Variants in ZNF320 observed in about 807,000 individuals in gnomAD.
ZNF320 encodes the protein zinc finger protein 320, also known as zinc finger gene 320.
Under a neutral mutation model 6.8 loss-of-function variants are expected in ZNF320, and 2 were observed. The observed-to-expected ratio is 0.29, with a 90% CI of 0.12 to 0.93. The LOEUF (loss-of-function observed/expected upper bound fraction) is 0.93, where lower values mean the gene tolerates loss of function less well. ZNF320 is among the 40% of genes least tolerant of loss of function. The pLI, the probability that ZNF320 is intolerant of heterozygous loss-of-function variation, is 0.55. For missense variants in ZNF320, 472 were observed against 611.0 expected (o/e 0.77, Z 2.40); for synonymous variants, 208 against 203.2 (o/e 1.02, Z -0.20).
At chr19:52,900,146 C>A (rs559616483), upstream of ZNF320, among the ~76,000 whole-genome samples, 1 of 152,256 alleles carries the variant, frequency 6.6e-6, no homozygotes, top group Non-Finnish European at 1.5e-5. Context: ...CTGGTATAAC[C>A]TGGTGGGGGC....
intron 5 of ZNF320, among the ~76,000 whole-genome samples, chr19:52,865,005 TC>T (rs961926518): frequency 6.6e-6 from 1 of 151,064 alleles, no homozygotes; most frequent in African/African-American, 2.4e-5. Context: ...AGAGCGAGAC[TC>T]CTTCTCAAAA....
intron 1 of ZNF320, among the ~76,000 whole-genome samples, chr19:52,896,103 C>G (rs2064462959): frequency 6.6e-6 from 1 of 151,970 alleles, no homozygotes; most frequent in African/African-American, 2.4e-5. Flanking sequence ...AGTTATCTTA[C>G]TTTTTTCAGA....
At chr19:52,900,206 G>C (rs1339503282), upstream of ZNF320, among the ~76,000 whole-genome samples, 1 of 152,076 alleles carries the variant, frequency 6.6e-6, no homozygotes, top group African/African-American at 2.4e-5. Context: ...CTGCAACTTT[G>C]GAAATTTACT....
upstream of ZNF320, among the ~76,000 whole-genome samples, chr19:52,899,838 T>G (rs1370530583): frequency 6.6e-6 from 1 of 152,242 alleles, no homozygotes; most frequent in East Asian, 1.9e-4. Flanking sequence ...GTAATAATTT[T>G]TAAAACAGCT....
intron 2 of ZNF320, chr19:52,893,421 C>T (rs2064373215): frequency 6.6e-6 from 1 of 151,876 alleles, no homozygotes; most frequent in African/African-American, 2.4e-5. Context: ...GAGGGTGAGG[C>T]GGTGGATCAT....
Position 52,868,580 on chromosome 19 carries a change from A to G in ZNF320, c.224-4421T>C, listed in dbSNP as rs189189815. Among the ~76,000 whole-genome samples the G allele has an allele frequency of 2.3e-3, 346 of 152,246 alleles. 1 individual carries two copies. The highest frequency in any genetic ancestry group is 7.3e-3 in the African/African-American group (303 of 41,546). On this transcript the variant is annotated intron_variant, in intron 5 of 5. Transcript: ENST00000673631. ...TCTCAAATAAGTACAGCAGGCCCAC[A>G]GTGTTCATGTACATGACCCCAATTT...
At chr19:52,868,582 T>A (rs1464935689) in intron 5 of ZNF320, among the ~76,000 whole-genome samples, 2 of 151,798 alleles carry the variant, frequency 1.3e-5, no homozygotes, top group Non-Finnish European at 2.9e-5. Context: ...AGGCCCACAG[T>A]GTTCATGTAC....
upstream of ZNF320, among the ~76,000 whole-genome samples, chr19:52,898,318 ACCTC>A (rs1568735777): frequency 6.6e-6 from 1 of 151,896 alleles, no homozygotes; most frequent in Non-Finnish European, 1.5e-5. Context: ...TGAGGTCACC[ACCTC>A]CTGCTTAAAC....
Position 52,877,659 on chromosome 19 carries a change from A to T in ZNF320, c.*2937T>A, listed in dbSNP as rs1232512487. 2.0e-5 allele frequency: 3 copies of T among 152,186 alleles called. No individual in the cohort carries two copies. The highest frequency in any genetic ancestry group is 4.4e-5 in the Non-Finnish European group (3 of 68,042). The allele number at this position is 152,186 out of a possible 1,614,324, so 9.4% of individuals were successfully genotyped here. On this transcript the variant is annotated 3_prime_UTR_variant, in exon 6 of 6. Coordinates refer to ENST00000682928, the MANE Select transcript of ZNF320 (RefSeq NM_001351774.2). ...ATGTAGCTTTTTAAAAAATCTTTGT[A>T]ACTATCTTGTTTAGGAATAAAATGG...
intron 5 of ZNF320, chr19:52,865,484 AATACATATATATTAT>A (rs2063533063): frequency 2.3e-5 from 3 of 128,610 alleles, no homozygotes; most frequent in African/African-American, 9.8e-5. Context: ...ATATATATAT[AATACATATATATTAT>A]ACATATATAT....
At chr19:52,895,113 A>G (rs951983736) in intron 1 of ZNF320, 1 of 152,236 alleles carries the variant, frequency 6.6e-6, no homozygotes, top group African/African-American at 2.4e-5. Flanking sequence ...ATCAGATGAC[A>G]TAAGGAAAGA....
chr19:52,889,172 C>G (rs34041654), intron 4 of ZNF320, among the ~76,000 whole-genome samples: 23,712 of 150,838 alleles, frequency 0.16, 1,968 homozygotes, highest in East Asian at 0.27. Flanking sequence ...GACAGAGTGA[C>G]ACTCCGTCTC....
At chr19:52,868,279 G>A (rs903875007) in intron 5 of ZNF320, among the ~76,000 whole-genome samples, 3 of 152,052 alleles carry the variant, frequency 2.0e-5, no homozygotes, top group Middle Eastern at 3.2e-3. Context: ...GACCGCGGTG[G>A]GTGGATCACC....
Position 52,888,200 on chromosome 19 carries a change from T to C in ZNF320, c.69A>G (p.Lys23=), listed in dbSNP as rs34416642. 0.15 allele frequency: 219,458 copies of C among 1,469,774 alleles called. 8,122 individuals are homozygous for C. Among genetic ancestry groups the C allele is most frequent in the East Asian group, 0.26 (10,957 of 41,708 alleles). 91.0% of individuals were successfully genotyped at this position (1,469,774 alleles called of 1,614,324 possible). ...GAGTCCTCTGAGCAGGGTCCAGGCA[T>C]TTCCACTCCTCCTGAGAGAATTCTA... ...VAIEFSQEEW[K]CLDPAQRTLY... Residue 23 remains lysine (K), a synonymous_variant, in exon 5 of 6, where the codon AAA becomes AAG. Transcript: ENST00000682928.
the ZNF320 span, among the ~76,000 whole-genome samples, chr19:52,903,713 TTC>T: frequency 6.6e-6 from 1 of 151,924 alleles, no homozygotes; most frequent in Admixed American, 6.6e-5. Context: ...TGTTTTTTTT[TTC>T]TTCTGAGACA....
chr19:52,866,665 GT>G (rs2063578228), intron 5 of ZNF320, among the ~76,000 whole-genome samples: 1 of 152,090 alleles, frequency 6.6e-6, no homozygotes, highest in African/African-American at 2.4e-5. Flanking sequence ...GAGGCCAGGA[GT>G]TTGAGACCAG....
At chr19:52,870,657 T>C (rs2063664723) in intron 5 of ZNF320, among the ~76,000 whole-genome samples, 3 of 151,734 alleles carry the variant, frequency 2.0e-5, no homozygotes, top group South Asian at 4.2e-4. Flanking sequence ...TCCCAGCTAC[T>C]CGAGGTGCTC....
In ZNF320 at chr19:52,864,550, G is replaced by T. The variant is rs114164149; in HGVS notation, c.224-391C>A. On this transcript the variant is annotated intron_variant, in intron 5 of 5. Coordinates refer to the ZNF320 transcript ENST00000673631. ...ATAGTGGCTCAAGCGTGTAATCCCA[G>T]CACGTTGAGAAGTGGAGGGAGGCAG... Among the ~76,000 whole-genome samples, 1,031 of 152,166 alleles carry T rather than the reference G, an allele frequency of 6.8e-3. 10 individuals are homozygous for T. Among genetic ancestry groups the T allele is most frequent in the African/African-American group, 0.023 (975 of 41,514 alleles).
rs193167762 is a variant in ZNF320 at position 52,861,923 on chromosome 19, T to C, written c.*2106A>G. ...AAGACTTTGCCATAATTATCACACC[T>C]GTGAGGTTTCTCTCCTGTATGAATT... On this transcript the variant is annotated 3_prime_UTR_variant, in exon 6 of 6. Transcript: ENST00000673631. 3.0e-5 allele frequency: 11 copies of C among 365,520 alleles called. No homozygotes were observed. In the East Asian group the frequency reaches 7.2e-4, roughly 24 times the overall value. 22.6% of individuals were successfully genotyped at this position (365,520 alleles called of 1,614,324 possible). A position where few individuals can be genotyped will look rare whatever the true frequency, so the allele number is the denominator to read the frequency against.
Sources: allele counts gnomAD v4.1 joint callset (sites outside exome capture counted in the v4.1 genomes callset), GRCh38; gene constraint gnomAD v4.1.1; transcripts MANE v1.5; gene names NCBI Gene and HGNC (gene_info 2026-07-23, HGNC 2026-07-21).